Variants in HERPUD2 observed in about 807,000 individuals in gnomAD.
HERPUD2 encodes HERPUD family member 2.
A neutral mutation model predicts 49.9 loss-of-function variants in HERPUD2; 13 were observed. The observed-to-expected ratio is 0.26, with a 90% CI of 0.17 to 0.41. The LOEUF (loss-of-function observed/expected upper bound fraction) is 0.41. HERPUD2 is among the 10% of genes least tolerant of loss of function. The pLI, the probability that HERPUD2 is intolerant of heterozygous loss-of-function variation, is 1.00. For synonymous variants in HERPUD2, 172 were observed against 171.4 expected (o/e 1.00, Z -0.03); for missense variants, 449 against 492.2 (o/e 0.91, Z 0.83).
rs368511287 is a variant in HERPUD2, at chr7:35,667,384, A to G, written c.494+50T>C. On this transcript the variant is annotated intron_variant, in intron 5 of 8. Transcript: ENST00000311350. Reference sequence around the variant, plus strand: ...CTATAGTGAAACTCAAAAGCAATTCATTTTTAGGGGGCCCCAATCACATTC... The same window carrying G: ...CTATAGTGAAACTCAAAAGCAATTCGTTTTTAGGGGGCCCCAATCACATTC... 1.5e-5 allele frequency: 23 copies of G among 1,551,138 alleles called. 1 individual carries two copies. In the African/African-American group the frequency reaches 2.6e-4, roughly 17 times the overall value.
chr7:35,654,015 G>A (rs1287106307), intron 5 of HERPUD2, among the ~76,000 whole-genome samples: 2 of 151,906 alleles, frequency 1.3e-5, no homozygotes, highest in Non-Finnish European at 1.5e-5. Flanking sequence ...AAAAGTTCTC[G>A]AAACAAATGA....
At chr7:35,651,456 A>G (rs2115880940) in intron 5 of HERPUD2, among the ~76,000 whole-genome samples, 1 of 152,336 alleles carries the variant, frequency 6.6e-6, no homozygotes, top group East Asian at 1.9e-4. Context: ...TAAGACACTG[A>G]GAAAATCAAA....
rs187880119 is a variant in HERPUD2 at position 35,642,975 on chromosome 7, G to C, written c.495-4503C>G. ...ACCCAAAAGTTTTTCAAAAAGCTTT[G>C]CTCTTATGCCCAACTGCCCAAGTAA... On this transcript the variant is annotated intron_variant, in intron 5 of 8. Coordinates refer to ENST00000311350, the MANE Select transcript of HERPUD2 (RefSeq NM_022373.5). Among the ~76,000 whole-genome samples, 7 of 152,180 alleles carry C rather than the reference G, an allele frequency of 4.6e-5. No individual in the cohort carries two copies. In the East Asian group the frequency reaches 1.2e-3, roughly 25 times the overall value.
intron 2 of HERPUD2, among the ~76,000 whole-genome samples, chr7:35,685,333 T>G (rs1341053163): frequency 2.0e-5 from 3 of 150,188 alleles, no homozygotes; most frequent in Middle Eastern, 3.5e-3. Context: ...TTGTTTTTTT[T>G]TTTTTTTGGA....
At chr7:35,673,128 A>C in intron 3 of HERPUD2, 73 bp downstream of exon 3, 1 of 1,143,880 alleles carries the variant, frequency 8.7e-7, no homozygotes, top group Non-Finnish European at 1.3e-6. Flanking sequence ...GAACTGGTTG[A>C]ATAAAATTTC....
intron 5 of HERPUD2, among the ~76,000 whole-genome samples, chr7:35,650,293 CTGGAAA>C (rs144813355): frequency 0.038 from 5,770 of 152,208 alleles, 187 homozygotes; most frequent in South Asian, 0.15. Context: ...GGCTGGGAGC[CTGGAAA>C]GGCTCCCCAG....
At chr7:35,686,725 A>AAAAAG in intron 2 of HERPUD2, among the ~76,000 whole-genome samples, 1 of 91,824 alleles carries the variant, frequency 1.1e-5, no homozygotes, top group Non-Finnish European at 2.0e-5. Context: ...TCTCAAAAAA[A>AAAAAG]AAAAAAAAAA....
intron 2 of HERPUD2, among the ~76,000 whole-genome samples, chr7:35,689,885 G>A (rs546531159): frequency 6.6e-6 from 1 of 152,320 alleles, no homozygotes; most frequent in South Asian, 2.1e-4. Context: ...TGAATTCAGA[G>A]TGAGTCAGGT....
intron 6 of HERPUD2, among the ~76,000 whole-genome samples, chr7:35,637,242 A>G (rs117762599): frequency 1.8e-3 from 275 of 152,358 alleles, no homozygotes; most frequent in Non-Finnish European, 3.2e-3. Context: ...AAGGAAATAC[A>G]GTAAAAAGAC....
chr7:35,633,322 G>A lies in HERPUD2; in HGVS notation c.*368C>T. 6.5e-6 allele frequency: 1 copy of A among 153,374 alleles called. No individual in the cohort carries two copies. The highest frequency in any genetic ancestry group is 6.5e-5 in the Admixed American group (1 of 15,278). The allele number at this position is 153,374 out of a possible 1,614,324, so 9.5% of individuals were successfully genotyped here. A position where few individuals can be genotyped will look rare whatever the true frequency, so the allele number is the denominator to read the frequency against. ...GACCTCAAGTAACCCACCCGCCTCG[G>A]CCTCCCAAAGTGCTGGGATTACAGA... On this transcript the variant is annotated 3_prime_UTR_variant, in exon 9 of 9. Transcript: ENST00000311350.
At position 35,673,431 on chromosome 7, in the gene HERPUD2, T is replaced by C. The variant is rs190085600; in HGVS notation, c.148-153A>G. Among the ~76,000 whole-genome samples the C allele has an allele frequency of 7.2e-3, 1,094 of 152,276 alleles. 6 individuals carry two copies. Among genetic ancestry groups the C allele is most frequent in the Non-Finnish European group, 9.8e-3 (666 of 67,980 alleles). On this transcript the variant is annotated intron_variant, in intron 2 of 8. Transcript: ENST00000311350. ...ATTTAAGAATTTTTGTTTTTCCAAA[T>C]TCTACTTAAGAAAAAAACATTTAAG...
At chr7:35,682,405 G>C (rs1310052689) in intron 2 of HERPUD2, among the ~76,000 whole-genome samples, 1 of 124,496 alleles carries the variant, frequency 8.0e-6, no homozygotes. Flanking sequence ...GGCATACAAG[G>C]GACATACCTC....
In HERPUD2 at chr7:35,635,397, G is replaced by T; in HGVS notation, c.679C>A (p.Gln227Lys). The T allele has an allele frequency of 6.2e-7, 1 of 1,614,148 alleles. No homozygotes were observed. The change falls in exon 7 of 9, where the codon CAG becomes AAG. Residue 227 changes from glutamine to lysine, a missense_variant. Transcript: ENST00000311350. Reference protein sequence around the residue: ...NVNPTQPTTSQPLNLAHVPGE... With the variant: ...NVNPTQPTTSKPLNLAHVPGE... ...GGAACATGTGCCAAATTTAGAGGCT[G>T]TGAAGTAGTAGGCTGGGTTGGGTTG...
At chr7:35,638,561 T>C (rs576433810) in intron 5 of HERPUD2, 89 bp from the exon 6 acceptor site, 14 of 1,242,918 alleles carry the variant, frequency 1.1e-5, no homozygotes, top group African/African-American at 7.6e-5. Flanking sequence ...AAGTCAACCA[T>C]TGACAGAATA....
At position 35,666,980 on chromosome 7, in the gene HERPUD2, T is replaced by C. The variant is rs566672207; in HGVS notation, c.494+454A>G. On this transcript the variant is annotated intron_variant, in intron 5 of 8. Transcript: ENST00000311350. ...ACAGATTGCTGGGCTCTGTACTCTT[T>C]CAAGTATACCTTCACTCAACCACAT... 2.6e-5 allele frequency among the ~76,000 whole-genome samples: 4 copies of C among 152,322 alleles called. No homozygotes were observed. The East Asian group carries it at 5.8e-4, about 22-fold the overall frequency.
intron 5 of HERPUD2, among the ~76,000 whole-genome samples, chr7:35,648,983 G>A (rs1281380544): frequency 1.3e-5 from 2 of 152,172 alleles, no homozygotes; most frequent in Non-Finnish European, 2.9e-5. Flanking sequence ...CGGGAGCAGT[G>A]GCTCACGCCT....
At position 35,634,351 on chromosome 7, in the gene HERPUD2, ATTG is replaced by A. The variant is rs748035925; in HGVS notation, c.1017_1019del (p.Asn340del). 28 of 1,613,726 alleles carry A rather than the reference ATTG, an allele frequency of 1.7e-5. No homozygotes were observed. Among genetic ancestry groups the A allele is most frequent in the Non-Finnish European group, 1.5e-5 (18 of 1,179,776 alleles). ...CCAAGTTGTTTGCATTTTGCCCATC[ATTG>A]TTAACTTCGGCATTATTGTTGGGAG... On this transcript the variant is annotated inframe_deletion, in exon 8 of 9. Transcript: ENST00000311350.
At chr7:35,682,289 G>A (rs1330419059) in intron 2 of HERPUD2, among the ~76,000 whole-genome samples, 1 of 39,960 alleles carries the variant, frequency 2.5e-5, no homozygotes, top group Non-Finnish European at 5.0e-5. Context: ...ACATACACAC[G>A]TGTGTGTGTG....
intron 2 of HERPUD2, among the ~76,000 whole-genome samples, chr7:35,693,124 C>T (rs976895264): frequency 2.0e-5 from 3 of 152,218 alleles, no homozygotes; most frequent in African/African-American, 7.2e-5. Flanking sequence ...TCCTTGATTA[C>T]CAACCACGGC....
Sources: gnomAD v4.1 joint callset for allele counts (sites outside exome capture counted in the v4.1 genomes callset) on GRCh38, gnomAD v4.1.1 for gene constraint, MANE v1.5 for transcripts, NCBI Gene and HGNC (gene_info 2026-07-23, HGNC 2026-07-21) for gene names.